NKAIN3: variants seen among roughly 807,000 people sequenced by gnomAD.
NKAIN3 encodes sodium/potassium transporting ATPase interacting 3.
A neutral mutation model predicts 30.2 loss-of-function variants in NKAIN3; 25 were observed. That is an observed-to-expected ratio of 0.83 (90% CI 0.60 to 1.16). The LOEUF (loss-of-function observed/expected upper bound fraction) is 1.16, where lower values mean the gene tolerates loss of function less well. Ranked by LOEUF, NKAIN3 falls within the 50% of genes most tolerant of loss-of-function variation. NKAIN3 has a pLI of 0.00. For missense variants in NKAIN3, 225 were observed against 254.1 expected (o/e 0.89, Z 0.78); for synonymous variants, 91 against 89.6 (o/e 1.02, Z -0.09).
chr8:62,647,675 A>G (rs751479502), intron 3 of NKAIN3, among the ~76,000 whole-genome samples: 14 of 152,200 alleles, frequency 9.2e-5, no homozygotes, highest in Non-Finnish European at 1.9e-4. Context: ...CAGAGGTGAG[A>G]AAGAACATGG....
chr8:62,972,653 A>G lies in NKAIN3; in HGVS notation c.*7246A>G, dbSNP rs114309104. ...CTTTGCAGATCTTGAGTATTTGCCA[A>G]TATTCTCTATGATTTATTTACATTC... On this transcript the variant is annotated 3_prime_UTR_variant, in exon 7 of 7. Transcript: ENST00000623646. 6.6e-3 allele frequency among the ~76,000 whole-genome samples: 1,004 copies of G among 152,258 alleles called. 12 individuals are homozygous for G. The highest frequency in any genetic ancestry group is 0.023 in the African/African-American group (961 of 41,556).
At chr8:62,482,942 A>T (rs4567032) in intron 1 of NKAIN3, 1 of 151,902 alleles carries the variant, frequency 6.6e-6, no homozygotes, top group Admixed American at 6.6e-5. Flanking sequence ...TTTCAAAAGG[A>T]TGTTATAATC....
intron 1 of NKAIN3, among the ~76,000 whole-genome samples, chr8:62,443,026 A>T (rs1251543997): frequency 6.6e-6 from 1 of 151,966 alleles, no homozygotes; most frequent in Non-Finnish European, 1.5e-5. Flanking sequence ...TGTATATTCC[A>T]TGTGTACTTA....
intron 1 of NKAIN3, among the ~76,000 whole-genome samples, chr8:62,516,200 A>G (rs1308791990): frequency 2.6e-5 from 4 of 152,086 alleles, no homozygotes; most frequent in African/African-American, 9.7e-5. Flanking sequence ...TTGTAGTTCC[A>G]CCCTTCACAT....
chr8:62,340,695 T>C (rs1161527481), intron 1 of NKAIN3, among the ~76,000 whole-genome samples: 1 of 152,086 alleles, frequency 6.6e-6, no homozygotes, highest in African/African-American at 2.4e-5. Flanking sequence ...CTTGCTAAAC[T>C]GACATAATAG....
chr8:62,661,399 T>G lies in NKAIN3; in HGVS notation c.273+71605T>G, dbSNP rs571027934. Among the ~76,000 whole-genome samples, 12 of 152,350 alleles carry G rather than the reference T, an allele frequency of 7.9e-5. No individual in the cohort carries two copies. In the South Asian group the frequency reaches 1.9e-3, roughly 24 times the overall value. On this transcript the variant is annotated intron_variant, in intron 3 of 6. Coordinates refer to ENST00000623646, the MANE Select transcript of NKAIN3 (RefSeq NM_001304533.3). ...TTGATAGGTCACAGTTTTAACACAC[T>G]GGGTTCATAAAGCAAATAAAGAGCA...
chr8:62,346,594 G>A (rs573365317), intron 1 of NKAIN3, among the ~76,000 whole-genome samples: 2 of 152,148 alleles, frequency 1.3e-5, no homozygotes, highest in Non-Finnish European at 2.9e-5. Context: ...GGGGCTGACT[G>A]GCCCTCCTAT....
intron 3 of NKAIN3, among the ~76,000 whole-genome samples, chr8:62,728,258 A>G (rs1815321505): frequency 6.6e-6 from 1 of 152,226 alleles, no homozygotes. Flanking sequence ...GGCATTTTAG[A>G]TATAACATCA....
At chr8:62,766,301 T>A (rs1816837424) in intron 4 of NKAIN3, among the ~76,000 whole-genome samples, 1 of 152,198 alleles carries the variant, frequency 6.6e-6, no homozygotes, top group Non-Finnish European at 1.5e-5. Context: ...TAGCTCCATT[T>A]CACAAATAAG....
intron 1 of NKAIN3, among the ~76,000 whole-genome samples, chr8:62,407,711 G>A (rs1467535819): frequency 2.0e-5 from 3 of 152,166 alleles, no homozygotes; most frequent in Non-Finnish European, 4.4e-5. Context: ...GATTACAGGC[G>A]TGAGCCCCCG....
intron 4 of NKAIN3, among the ~76,000 whole-genome samples, chr8:62,853,025 T>G (rs951638477): frequency 6.6e-6 from 1 of 152,090 alleles, no homozygotes; most frequent in Non-Finnish European, 1.5e-5. Flanking sequence ...CATTCTGTCT[T>G]GTTGACCTGT....
intron 3 of NKAIN3, among the ~76,000 whole-genome samples, chr8:62,647,917 G>A (rs1272383745): frequency 1.3e-5 from 2 of 152,102 alleles, no homozygotes; most frequent in African/African-American, 4.8e-5. Context: ...CGGATGGCTC[G>A]GATTGGTTAT....
intron 3 of NKAIN3, among the ~76,000 whole-genome samples, chr8:62,632,976 G>C (rs533605692): frequency 1.3e-4 from 20 of 152,134 alleles, no homozygotes; most frequent in Non-Finnish European, 2.5e-4. Context: ...AATGGAGGCA[G>C]AGTGGCACTT....
chr8:62,280,459 C>G (rs1813141175), intron 1 of NKAIN3, among the ~76,000 whole-genome samples: 1 of 152,078 alleles, frequency 6.6e-6, no homozygotes, highest in African/African-American at 2.4e-5. Flanking sequence ...TGCCAGTTTT[C>G]AAAGGGAATG....
intron 1 of NKAIN3, among the ~76,000 whole-genome samples, chr8:62,338,594 G>A (rs1815640686): frequency 6.6e-6 from 1 of 151,818 alleles, no homozygotes; most frequent in African/African-American, 2.4e-5. Context: ...ATAGATATAG[G>A]TATATATATA....
At chr8:62,618,648 G>A (rs1008703045) in intron 3 of NKAIN3, among the ~76,000 whole-genome samples, 1 of 152,168 alleles carries the variant, frequency 6.6e-6, no homozygotes, top group African/African-American at 2.4e-5. Context: ...GCTAACGCCT[G>A]TAATCCTAGC....
At chr8:62,757,529 C>T (rs865812488) in intron 4 of NKAIN3, among the ~76,000 whole-genome samples, 13 of 152,100 alleles carry the variant, frequency 8.5e-5, no homozygotes, top group Admixed American at 7.9e-4. Flanking sequence ...ACCTTCCAGC[C>T]GGCCGTCAAA....
downstream of NKAIN3, among the ~76,000 whole-genome samples, chr8:62,985,204 C>T (rs1824178798): frequency 1.3e-5 from 2 of 152,200 alleles, no homozygotes. Context: ...ACTCCAATTA[C>T]ATCTCACCCC....
At chr8:62,901,451 A>AAG (rs917863242) in intron 4 of NKAIN3, among the ~76,000 whole-genome samples, 90 of 152,208 alleles carry the variant, frequency 5.9e-4, no homozygotes, top group African/African-American at 2.1e-3. Context: ...AAGAAAAAAG[A>AAG]AGAGAGAGAG....
Sources: allele counts gnomAD v4.1 joint callset (sites outside exome capture counted in the v4.1 genomes callset), GRCh38; gene constraint gnomAD v4.1.1; transcripts MANE v1.5; gene names NCBI Gene and HGNC (gene_info 2026-07-23, HGNC 2026-07-21).